FCN2: variants seen among roughly 807,000 people sequenced by gnomAD.
The protein encoded by FCN2 is ficolin-2.
Under a neutral mutation model 32.5 loss-of-function variants are expected in FCN2, and 31 were observed. The ratio of observed to expected loss-of-function variants is 0.96; its 90% confidence interval spans 0.72 to 1.29. The LOEUF is 1.29. Ranked by LOEUF, FCN2 falls within the 50% of genes most tolerant of loss-of-function variation. The probability of loss-of-function intolerance (pLI) is 0.00; values close to 1 mark genes in which losing one functional copy is unlikely to be tolerated. For synonymous variants in FCN2, 181 were observed against 164.5 expected (o/e 1.10, Z -0.77); for missense variants, 412 against 406.5 (o/e 1.01, Z -0.12).
In FCN2 at chr9:134,886,444, C is replaced by T. The variant is rs768669093; in HGVS notation, c.574C>T (p.Arg192Cys). ...ALTAQGTSELRVDLVDFEDNY... is the reference protein window; with the variant it reads ...ALTAQGTSELCVDLVDFEDNY... ...TTCTCTAACAGGAACCAGCGAGCTC[C>T]GTGTAGACCTGGTGGACTTTGAGGA... is the stretch of plus-strand genomic sequence containing the variant. Residue 192 changes from arginine (R) to cysteine (C), a missense_variant, in exon 7 of 8, where the codon CGT (arginine) becomes TGT (cysteine). Physicochemically the swap from Arg to Cys is radical, Grantham distance 180. Transcript: ENST00000291744. 1.3e-5 allele frequency: 21 copies of T among 1,614,076 alleles called. No homozygotes were observed. The highest frequency in any genetic ancestry group is 2.2e-5 in the East Asian group (1 of 44,898).
chr9:134,878,443 T>G (rs1004528589), upstream of FCN2, among the ~76,000 whole-genome samples: 1 of 152,170 alleles, frequency 6.6e-6, no homozygotes, highest in African/African-American at 2.4e-5. Context: ...GGCTTTGGTT[T>G]TTGTGTGTTA....
At chr9:134,884,374 A>G (rs1830712291) in intron 3 of FCN2, among the ~76,000 whole-genome samples, 1 of 152,110 alleles carries the variant, frequency 6.6e-6, no homozygotes, top group Admixed American at 6.5e-5. Context: ...ACCGCAAACA[A>G]CACTCCCCAC....
chr9:134,885,197 AG>A, intron 4 of FCN2, 41 bp from the exon 5 acceptor site: 1 of 1,613,408 alleles, frequency 6.2e-7, no homozygotes. Context: ...TGCCCTGCCC[AG>A]GGCTCCTGTC....
the FCN2 span, among the ~76,000 whole-genome samples, chr9:134,869,608 C>T: frequency 1.7e-4 from 26 of 152,344 alleles, no homozygotes; most frequent in Non-Finnish European, 2.8e-4. Flanking sequence ...TTAGTCTCTC[C>T]GAGGCTTCCT....
At chr9:134,869,438 T>C in the FCN2 span, among the ~76,000 whole-genome samples, 1 of 152,140 alleles carries the variant, frequency 6.6e-6, no homozygotes, top group Non-Finnish European at 1.5e-5. Flanking sequence ...GTAGGCCCTC[T>C]CCTGGGACCA....
At chr9:134,872,618 C>G in the FCN2 span, among the ~76,000 whole-genome samples, 29 of 152,228 alleles carry the variant, frequency 1.9e-4, no homozygotes, top group Non-Finnish European at 3.4e-4. Context: ...CACGTCTCGC[C>G]GGGCAGCAGA....
At chr9:134,870,873 A>C in the FCN2 span, among the ~76,000 whole-genome samples, 1 of 152,078 alleles carries the variant, frequency 6.6e-6, no homozygotes, top group Non-Finnish European at 1.5e-5. The surrounding 1 kb of genome is among the most constrained non-coding windows in gnomAD (Gnocchi z 4.3). Flanking sequence ...CTCCTCCCTT[A>C]AGCGGGTCAG....
chr9:134,865,091 C>T, the FCN2 span, among the ~76,000 whole-genome samples: 1 of 152,256 alleles, frequency 6.6e-6, no homozygotes, highest in Non-Finnish European at 1.5e-5. Context: ...CCCAGCTGGA[C>T]GTGGCCAGCA....
upstream of FCN2, among the ~76,000 whole-genome samples, chr9:134,877,219 C>T (rs4358867): frequency 0.39 from 58,553 of 151,980 alleles, 11,413 homozygotes; most frequent in South Asian, 0.47. Context: ...TTTCTTGAGA[C>T]GGAAGCAGAG....
chr9:134,870,121 G>A, the FCN2 span, among the ~76,000 whole-genome samples: 72 of 152,332 alleles, frequency 4.7e-4, no homozygotes, highest in African/African-American at 1.2e-3. This position sits in a 1 kb window ranked among gnomAD's most constrained non-coding sequence, Gnocchi z 4.3. Context: ...GCCTGAAGGA[G>A]TTAATGTGGA....
At chr9:134,877,052 C>T (rs1449197737), upstream of FCN2, among the ~76,000 whole-genome samples, 1 of 152,042 alleles carries the variant, frequency 6.6e-6, no homozygotes, top group Admixed American at 6.6e-5. Flanking sequence ...TTGCATTCTC[C>T]CTCTTTTTTC....
intron 3 of FCN2, among the ~76,000 whole-genome samples, chr9:134,884,214 G>A (rs77613398): frequency 0.044 from 6,635 of 152,134 alleles, 337 homozygotes; most frequent in African/African-American, 0.12. Flanking sequence ...TTGAGGAATC[G>A]GAGAAATACG....
the FCN2 span, among the ~76,000 whole-genome samples, chr9:134,874,729 A>C: frequency 6.6e-6 from 1 of 152,174 alleles, no homozygotes; most frequent in East Asian, 1.9e-4. Flanking sequence ...AATCAACTTC[A>C]ATTTGCATTA....
chr9:134,882,477 AGTCTTCAG>A, intron 1 of FCN2, 41 bp from the exon 2 acceptor site: 3 of 1,436,228 alleles, frequency 2.1e-6, no homozygotes, highest in Non-Finnish European at 2.9e-6. Context: ...GGCTCAGTGG[AGTCTTCAG>A]GCCCAGGTGA....
At chr9:134,879,474 C>A (rs1368621785), upstream of FCN2, among the ~76,000 whole-genome samples, 1 of 152,140 alleles carries the variant, frequency 6.6e-6, no homozygotes, top group Non-Finnish European at 1.5e-5. Context: ...TTTCACTGGG[C>A]AGCTCTGGGG....
intron 6 of FCN2, among the ~76,000 whole-genome samples, chr9:134,886,128 GC>G (rs747999734): frequency 7.9e-5 from 12 of 152,174 alleles, no homozygotes; most frequent in Non-Finnish European, 1.6e-4. Context: ...TCAGGTCTTG[GC>G]CCCACTGGCA....
chr9:134,886,724 T>G (rs1421745181), intron 7 of FCN2, among the ~76,000 whole-genome samples, 160 bp downstream of exon 7: 1 of 152,126 alleles, frequency 6.6e-6, no homozygotes, highest in African/African-American at 2.4e-5. Context: ...GTGCTCTGTG[T>G]AGCATGGGGG....
upstream of FCN2, among the ~76,000 whole-genome samples, chr9:134,880,281 C>A (rs903356912): frequency 6.6e-6 from 1 of 152,170 alleles, no homozygotes; most frequent in Non-Finnish European, 1.5e-5. Flanking sequence ...ATTTTCCTCT[C>A]CTTTTCACCC....
chr9:134,881,366 C>A (rs1250747627), intron 1 of FCN2, among the ~76,000 whole-genome samples: 1 of 152,172 alleles, frequency 6.6e-6, no homozygotes, highest in East Asian at 1.9e-4. Context: ...ACTGCAGGAC[C>A]TTTCCATCCA....
Sources: allele counts gnomAD v4.1 joint callset (sites outside exome capture counted in the v4.1 genomes callset), GRCh38; gene constraint gnomAD v4.1.1; non-coding constraint Gnocchi (gnomAD v3.1); transcripts MANE v1.5; gene names NCBI Gene and HGNC (gene_info 2026-07-23, HGNC 2026-07-21).